LRRC49: variants seen among roughly 807,000 people sequenced by gnomAD.
LRRC49 encodes leucine rich repeat containing 49.
A neutral mutation model predicts 83.3 loss-of-function variants in LRRC49; 50 were observed. The observed-to-expected ratio is 0.60, with a 90% confidence interval of 0.48 to 0.76. The LOEUF (loss-of-function observed/expected upper bound fraction) is 0.76. Among genes scored for constraint, LRRC49 ranks in the 30% least tolerant of loss-of-function variants. LRRC49 has a pLI of 0.00. For synonymous variants in LRRC49, 286 were observed against 283.3 expected (o/e 1.01, Z -0.10); for missense variants, 704 against 809.1 (o/e 0.87, Z 1.58).
At chr15:70,858,815 A>G (rs980227078) in intron 1 of LRRC49, 115 of 811,150 alleles carry the variant, frequency 1.4e-4, no homozygotes, top group Admixed American at 5.7e-5. Context: ...CCGCATCAGC[A>G]CCTGAGATTC....
intron 1 of LRRC49, chr15:70,853,637 C>T (rs1595959542): frequency 3.2e-6 from 1 of 308,566 alleles, no homozygotes; most frequent in East Asian, 5.1e-5. Flanking sequence ...AACATCCCCA[C>T]GTCCAGGCCC....
intron 2 of LRRC49, among the ~76,000 whole-genome samples, chr15:70,886,744 T>C (rs1440493291): frequency 6.6e-6 from 1 of 152,068 alleles, no homozygotes; most frequent in South Asian, 2.1e-4. Context: ...CAGGCACCTG[T>C]AATCCCAGCT....
At position 71,002,023 on chromosome 15, in the gene LRRC49, G is replaced by C. The variant is rs2038277052; in HGVS notation, c.1170-6356G>C. ...TGCTATTTTTATCTGAAAGTACAAA[G>C]TGAAGAATTTTAAACATTAGAGGTT... On this transcript the variant is annotated intron_variant, in intron 11 of 15. Transcript: ENST00000260382. 2.6e-5 allele frequency among the ~76,000 whole-genome samples: 4 copies of C among 152,256 alleles called. No individual in the cohort carries two copies. In the South Asian group the frequency reaches 8.3e-4, roughly 32 times the overall value.
intron 14 of LRRC49, among the ~76,000 whole-genome samples, chr15:71,022,457 A>G (rs2141278334): frequency 6.6e-6 from 1 of 152,374 alleles, no homozygotes; most frequent in South Asian, 2.1e-4. Flanking sequence ...TACAAGAGAT[A>G]CATCTGACAT....
rs867979968 is a variant in LRRC49 at position 70,984,075 on chromosome 15, A to C, written c.1006-19A>C. On this transcript the variant is annotated intron_variant, in intron 10 of 15. Transcript: ENST00000260382. Reference sequence around the variant, plus strand: ...AAAATTGCATTATATAACTTTTGTCACAATTAACTTTTTCATAGGAGAAGA... The same window carrying C: ...AAAATTGCATTATATAACTTTTGTCCCAATTAACTTTTTCATAGGAGAAGA... The C allele has an allele frequency of 1.2e-6, 2 of 1,609,370 alleles. No homozygotes were observed. Among genetic ancestry groups the C allele is most frequent in the Middle Eastern group, 3.6e-4 (2 of 5,618 alleles).
At chr15:70,999,217 T>C (rs2141249513) in intron 11 of LRRC49, among the ~76,000 whole-genome samples, 1 of 152,320 alleles carries the variant, frequency 6.6e-6, no homozygotes, top group East Asian at 1.9e-4. Flanking sequence ...TGGGTTAGTC[T>C]TTCTTGTTTC....
In LRRC49 at chr15:71,043,938, T is replaced by A. The variant is rs751444367; in HGVS notation, c.1858-5471T>A. Among the ~76,000 whole-genome samples, 45 of 152,328 alleles carry A rather than the reference T, an allele frequency of 3.0e-4. 1 individual carries two copies. The highest frequency in any genetic ancestry group is 6.8e-3 in the Middle Eastern group (2 of 294). ...ATAATAGAATTTTGTCTTTTTAAAT[T>A]CAAAATCCTATTTTAAGCAATTTGG... is the stretch of plus-strand genomic sequence containing the variant. On this transcript the variant is annotated intron_variant, in intron 15 of 15. Transcript: ENST00000260382.
chr15:70,882,640 G>A (rs2033293228), intron 2 of LRRC49: 1 of 1,613,646 alleles, frequency 6.2e-7, no homozygotes, highest in Non-Finnish European at 8.5e-7. Context: ...CTTTCACTTT[G>A]GCTTGAATAC....
intron 15 of LRRC49, among the ~76,000 whole-genome samples, chr15:71,042,467 A>G (rs1002145385): frequency 1.3e-5 from 2 of 152,182 alleles, no homozygotes; most frequent in East Asian, 1.9e-4. Context: ...CAATCAGGAG[A>G]TGTGGATTTG....
At chr15:70,942,079 G>A (rs977577390) in intron 8 of LRRC49, among the ~76,000 whole-genome samples, 3 of 150,692 alleles carry the variant, frequency 2.0e-5, no homozygotes, top group African/African-American at 7.4e-5. Context: ...GTGTGTAAGC[G>A]AGAGAGAGAG....
intron 10 of LRRC49, among the ~76,000 whole-genome samples, chr15:70,982,668 G>C (rs1486671363): frequency 2.0e-5 from 3 of 152,126 alleles, no homozygotes; most frequent in African/African-American, 7.2e-5. Flanking sequence ...CTGGAATGCA[G>C]TTCACAGGTG....
chr15:71,020,391 A>G (rs2038956603), intron 14 of LRRC49, among the ~76,000 whole-genome samples: 1 of 152,220 alleles, frequency 6.6e-6, no homozygotes, highest in Admixed American at 6.5e-5. Context: ...AATGGAGAGC[A>G]TAGGGTAGAG....
intron 7 of LRRC49, among the ~76,000 whole-genome samples, chr15:70,928,882 A>G (rs536126394): frequency 2.2e-4 from 33 of 152,326 alleles, no homozygotes; most frequent in Non-Finnish European, 4.4e-4. Flanking sequence ...TTCATTTATT[A>G]TGGGAACATT....
At chr15:70,892,264 G>A (rs191658638), upstream of LRRC49, 226 of 1,568,318 alleles carry the variant, frequency 1.4e-4, 1 homozygote, top group African/African-American at 2.4e-3. Flanking sequence ...CCACACAACG[G>A]GCCGGCATGG....
intron 2 of LRRC49, among the ~76,000 whole-genome samples, chr15:70,879,515 C>T (rs528847942): frequency 5.3e-4 from 81 of 152,348 alleles, no homozygotes; most frequent in Non-Finnish European, 9.4e-4. Flanking sequence ...AAACTCCAAA[C>T]TCCATTTCCA....
rs747627104 is a variant in LRRC49 at position 70,892,876 on chromosome 15, A to G, written c.-19A>G. 1.3e-5 allele frequency: 21 copies of G among 1,613,998 alleles called. No individual in the cohort carries two copies. The highest frequency in any genetic ancestry group is 1.6e-4 in the Middle Eastern group (1 of 6,084). On this transcript the variant is annotated 5_prime_UTR_variant, in exon 1 of 16. Coordinates refer to ENST00000260382, the MANE Select transcript of LRRC49 (RefSeq NM_017691.5). The stretch of plus-strand genomic sequence containing the variant: ...ACCTGGAAGGCAGATCTAACAGAGA[A>G]CCTGGACTGTCTCCTATCATGATTC...
At chr15:70,902,886 A>G (rs2034141760) in intron 4 of LRRC49, among the ~76,000 whole-genome samples, 1 of 152,142 alleles carries the variant, frequency 6.6e-6, no homozygotes, top group Non-Finnish European at 1.5e-5. Context: ...GTCTCTAGTT[A>G]TTATGTATGT....
chr15:70,986,864 A>G (rs944616680), intron 11 of LRRC49, among the ~76,000 whole-genome samples: 1 of 152,144 alleles, frequency 6.6e-6, no homozygotes, highest in Non-Finnish European at 1.5e-5. Flanking sequence ...AATTTTGTCA[A>G]AGGCCTTTTC....
At chr15:70,901,895 G>C (rs971854551) in intron 4 of LRRC49, among the ~76,000 whole-genome samples, 1 of 152,062 alleles carries the variant, frequency 6.6e-6, no homozygotes, top group Non-Finnish European at 1.5e-5. Flanking sequence ...TAGCATGGTG[G>C]GTGAAGGATC....
Sources: allele counts gnomAD v4.1 joint callset (sites outside exome capture counted in the v4.1 genomes callset), GRCh38; gene constraint gnomAD v4.1.1; transcripts MANE v1.5; gene names NCBI Gene and HGNC (gene_info 2026-07-23, HGNC 2026-07-21).